The following KCNC4 variants were observed in gnomAD, a reference collection of about 807,000 sequenced individuals.
KCNC4 encodes voltage-gated potassium channel KCNC4.
KCNC4 carries 23 observed loss-of-function variants against 42.8 expected under a neutral mutation model. The ratio of observed to expected loss-of-function variants is 0.54; its 90% CI spans 0.39 to 0.76. KCNC4 has a LOEUF of 0.76. Ranked by LOEUF, KCNC4 falls within the 30% of genes least tolerant of loss-of-function variation. KCNC4 has a pLI of 0.00. For missense variants in KCNC4, 751 were observed against 898.2 expected (o/e 0.84, Z 2.10); for synonymous variants, 422 against 393.5 (o/e 1.07, Z -0.86).
At chr1:110,258,208 A>G (rs1050096254) in intron 1 of KCNC4, among the ~76,000 whole-genome samples, 2 of 152,148 alleles carry the variant, frequency 1.3e-5, no homozygotes, top group African/African-American at 4.8e-5. Flanking sequence ...CTAGATTTGT[A>G]TTTCTCCTAA....
Position 110,233,748 on chromosome 1 carries a change from G to A in KCNC4, c.*776G>A, listed in dbSNP as rs1000439969. On this transcript the variant is annotated 3_prime_UTR_variant, in exon 4 of 4. Transcript: ENST00000438661. ...ATCTGGCCCAGGGGGTCCGAGAAGG[G>A]AAGCCTTGGGCAAGAGGAGACCAGT... The A allele has an allele frequency of 6.6e-6, 1 of 152,398 alleles. No homozygotes were observed. The highest frequency in any genetic ancestry group is 1.5e-5 in the Non-Finnish European group (1 of 68,184). 9.4% of individuals were successfully genotyped at this position (152,398 alleles called of 1,614,324 possible). A position where few individuals can be genotyped will look rare whatever the true frequency, so the allele number is the denominator to read the frequency against.
At chr1:110,259,253 C>T (rs1659387064) in intron 1 of KCNC4, among the ~76,000 whole-genome samples, 1 of 152,172 alleles carries the variant, frequency 6.6e-6, no homozygotes. Flanking sequence ...CACGGGGAAC[C>T]CACCGGAACA....
chr1:110,234,798 G>C (rs1036290654), downstream of KCNC4: 9 of 152,106 alleles, frequency 5.9e-5, no homozygotes, highest in African/African-American at 2.2e-4. Flanking sequence ...CCTTATTCTT[G>C]TCTTACTCCT....
At chr1:110,273,313 C>G (rs774436266) in intron 1 of KCNC4, among the ~76,000 whole-genome samples, 7 of 152,190 alleles carry the variant, frequency 4.6e-5, no homozygotes, top group Non-Finnish European at 1.0e-4. Context: ...AACACTAAAC[C>G]TTCACTAAAT....
intron 1 of KCNC4, among the ~76,000 whole-genome samples, chr1:110,266,485 T>C (rs1336610956): frequency 6.6e-6 from 1 of 152,208 alleles, no homozygotes; most frequent in Non-Finnish European, 1.5e-5. Flanking sequence ...ACTGAGTCCT[T>C]AGGAACAGCC....
At chr1:110,270,267 C>T (rs1234550356) in intron 1 of KCNC4, among the ~76,000 whole-genome samples, 2 of 152,202 alleles carry the variant, frequency 1.3e-5, no homozygotes, top group African/African-American at 2.4e-5. Context: ...GCATTGGCCT[C>T]ATTCCTCTGG....
chr1:110,276,719 G>C (rs1270265846), intron 1 of KCNC4, among the ~76,000 whole-genome samples: 1 of 152,110 alleles, frequency 6.6e-6, no homozygotes, highest in East Asian at 1.9e-4. Flanking sequence ...GCATCTAAAT[G>C]CAAGAGCATC....
At chr1:110,257,968 C>G (rs914457285) in intron 1 of KCNC4, among the ~76,000 whole-genome samples, 2 of 152,192 alleles carry the variant, frequency 1.3e-5, no homozygotes, top group Admixed American at 6.5e-5. Flanking sequence ...CTGTCTGCCC[C>G]GTTAGGAGTC....
In KCNC4 at chr1:110,233,085, T is replaced by C. The variant is rs1480756583; in HGVS notation, c.*113T>C. Reference sequence around the variant, plus strand: ...TGGGAAAGACTCAGATATCCTTGTTTGCACAGGACTGGTGGAAAATCTCCC... The same window carrying C: ...TGGGAAAGACTCAGATATCCTTGTTCGCACAGGACTGGTGGAAAATCTCCC... On this transcript the variant is annotated 3_prime_UTR_variant, in exon 4 of 4. Transcript: ENST00000438661. 3.7e-6 allele frequency: 5 copies of C among 1,348,962 alleles called. No homozygotes were observed. The highest frequency in any genetic ancestry group is 4.1e-6 in the Non-Finnish European group (4 of 978,380). The allele number at this position is 1,348,962 out of a possible 1,614,324, so 83.6% of individuals were successfully genotyped here.
rs1010913812 is a variant in KCNC4, at chr1:110,233,336, CTGTG to C, written c.*367_*370del. On this transcript the variant is annotated 3_prime_UTR_variant, in exon 4 of 4. Transcript: ENST00000438661. Reference sequence around the variant, plus strand: ...CACTGATTTCTGTTGTTTCTGCTGACTGTGTGGGTGGAATGTCCCAAGAAAAGTG... The same window carrying C: ...CACTGATTTCTGTTGTTTCTGCTGACTGGGTGGAATGTCCCAAGAAAAGTG... 5 of 339,926 alleles carry C rather than the reference CTGTG, an allele frequency of 1.5e-5. No homozygotes were observed. Among genetic ancestry groups the C allele is most frequent in the African/African-American group, 6.3e-5 (3 of 47,622 alleles). 21.1% of individuals were successfully genotyped at this position (339,926 alleles called of 1,614,324 possible).
intron 1 of KCNC4, among the ~76,000 whole-genome samples, chr1:110,273,110 T>G (rs986687830): frequency 6.6e-6 from 1 of 152,176 alleles, no homozygotes; most frequent in African/African-American, 2.4e-5. Context: ...CTGCATATAA[T>G]GTTTCCTGGA....
intron 3 of KCNC4, among the ~76,000 whole-genome samples, chr1:110,226,709 G>T (rs1658418097): frequency 6.6e-6 from 1 of 152,238 alleles, no homozygotes; most frequent in Non-Finnish European, 1.5e-5. Flanking sequence ...CACCTAGAGG[G>T]TGACTGTCCT....
At chr1:110,274,378 G>C (rs887643466) in intron 1 of KCNC4, among the ~76,000 whole-genome samples, 2 of 152,082 alleles carry the variant, frequency 1.3e-5, no homozygotes, top group African/African-American at 4.8e-5. Context: ...TAAACAAATA[G>C]AAAAATAACT....
chr1:110,261,749 G>T (rs1428265232), intron 1 of KCNC4, among the ~76,000 whole-genome samples: 1 of 152,200 alleles, frequency 6.6e-6, no homozygotes, highest in Non-Finnish European at 1.5e-5. Context: ...AAGAAGGTCT[G>T]TAAAATATAA....
intron 1 of KCNC4, among the ~76,000 whole-genome samples, chr1:110,278,159 G>A (rs11102079): frequency 0.024 from 17 of 718 alleles, no homozygotes; most frequent in Non-Finnish European, 0.042. Context: ...GAAAGAAAAG[G>A]AAGGAAGGAA....
intron 1 of KCNC4, chr1:110,219,627 G>A (rs1571032259): frequency 6.6e-6 from 1 of 152,148 alleles, no homozygotes; most frequent in East Asian, 1.9e-4. Flanking sequence ...AAGGCTCAAG[G>A]CTGAGGCTTT....
exon 4 of KCNC4, chr1:110,246,460 A>G (rs1463827957): frequency 6.6e-6 from 1 of 152,240 alleles, no homozygotes; most frequent in Non-Finnish European, 1.5e-5. Flanking sequence ...CTAAAAGACA[A>G]GTCTCCTCAT....
chr1:110,224,565 G>C (rs904458526), intron 2 of KCNC4: 2 of 152,342 alleles, frequency 1.3e-5, no homozygotes, highest in Non-Finnish European at 2.9e-5. Context: ...GGAAGGAGTG[G>C]CCCAGACAGT....
Position 110,233,466 on chromosome 1 carries a change from CTG to C in KCNC4, c.*495_*496del. ...CTGGTGAAGTCTATTGAAGGCCAGA[CTG>C]CCCCCTAGGGTCACTGCTTCACTAG... On this transcript the variant is annotated 3_prime_UTR_variant, in exon 4 of 4. Transcript: ENST00000438661. The C allele has an allele frequency of 1.1e-5, 2 of 187,496 alleles. No homozygotes were observed. Among genetic ancestry groups the C allele is most frequent in the South Asian group, 1.0e-4 (1 of 9,528 alleles). 11.6% of individuals were successfully genotyped at this position (187,496 alleles called of 1,614,324 possible). A position where few individuals can be genotyped will look rare whatever the true frequency, so the allele number is the denominator to read the frequency against.
Sources: gnomAD v4.1 joint callset for allele counts (sites outside exome capture counted in the v4.1 genomes callset) on GRCh38, gnomAD v4.1.1 for gene constraint, MANE v1.5 for transcripts, NCBI Gene and HGNC (gene_info 2026-07-23, HGNC 2026-07-21) for gene names.